The following CHRM3 variants were observed in gnomAD, a reference collection of about 807,000 sequenced individuals.
CHRM3 encodes muscarinic acetylcholine receptor M3.
In CHRM3, 11 loss-of-function variants were observed where a neutral mutation model predicts 41.8. The ratio of observed to expected loss-of-function variants is 0.26; its 90% CI spans 0.17 to 0.44. CHRM3 has a LOEUF of 0.44. CHRM3 is among the 20% of genes least tolerant of loss of function. The pLI is 1.00. For synonymous variants in CHRM3, 297 were observed against 301.4 expected (o/e 0.99, Z 0.15); for missense variants, 571 against 745.4 (o/e 0.77, Z 2.72).
chr1:239,422,640 A>T, intron 1 of CHRM3, among the ~76,000 whole-genome samples: 1 of 151,856 alleles, frequency 6.6e-6, no homozygotes, highest in East Asian at 1.9e-4. Flanking sequence ...CTAAAAATAC[A>T]AAAAATTAGC....
chr1:239,769,874 C>CT (rs1356406147), intron 5 of CHRM3, among the ~76,000 whole-genome samples: 1 of 150,508 alleles, frequency 6.6e-6, no homozygotes, highest in Non-Finnish European at 1.5e-5. Flanking sequence ...GAGCTAGACT[C>CT]TGTCTCAAAA....
intron 3 of CHRM3, among the ~76,000 whole-genome samples, chr1:239,627,354 G>T (rs1287760587): frequency 6.4e-5 from 8 of 124,552 alleles, no homozygotes; most frequent in African/African-American, 2.5e-4. Flanking sequence ...CCATTTGCTT[G>T]GTAGATCTTC....
intron 4 of CHRM3, among the ~76,000 whole-genome samples, chr1:239,641,350 A>C (rs952150398): frequency 6.0e-5 from 9 of 150,860 alleles, no homozygotes; most frequent in African/African-American, 2.2e-4. Flanking sequence ...GATCTGTCTA[A>C]TGTTGACAGT....
chr1:239,555,596 A>G (rs191709382), intron 3 of CHRM3, among the ~76,000 whole-genome samples: 1 of 152,296 alleles, frequency 6.6e-6, no homozygotes. Context: ...TTTCCATGGC[A>G]ATGACTGGCA....
rs1432478729 is a variant in CHRM3 at position 239,463,314 on chromosome 1, T to TCTGAAAGGGTATGCC, written c.-520-29389_-520-29375dup. ...AATTTTCATGCATTTTCTTGGTGAG[T>TCTGAAAGGGTATGCC]CTGAAAGGGTATGCCCTGAATGACT... On this transcript the variant is annotated intron_variant, in intron 1 of 6. Coordinates refer to ENST00000676153, the MANE Select transcript of CHRM3 (RefSeq NM_001375978.1). Among the ~76,000 whole-genome samples, 13 of 152,118 alleles carry TCTGAAAGGGTATGCC rather than the reference T, an allele frequency of 8.5e-5. 1 individual carries two copies. The highest frequency in any genetic ancestry group is 5.9e-4 in the Admixed American group (9 of 15,272).
chr1:239,842,610 A>T (rs1673909526), intron 6 of CHRM3, among the ~76,000 whole-genome samples: 1 of 152,134 alleles, frequency 6.6e-6, no homozygotes, highest in African/African-American at 2.4e-5. Flanking sequence ...AACACATTAG[A>T]AGAGAACCAT....
chr1:239,455,709 G>C (rs1044668395), intron 1 of CHRM3, among the ~76,000 whole-genome samples: 3 of 152,268 alleles, frequency 2.0e-5, no homozygotes, highest in African/African-American at 7.2e-5. Flanking sequence ...TATTACGTTT[G>C]AGTCAAAAAG....
rs541770705 is a variant in CHRM3 at position 239,770,780 on chromosome 1, A to G, written c.-146-56472A>G. 7.0e-4 allele frequency among the ~76,000 whole-genome samples: 107 copies of G among 152,272 alleles called. 2 individuals carry two copies. In the South Asian group the frequency reaches 0.021, roughly 30 times the overall value. On this transcript the variant is annotated intron_variant, in intron 5 of 6. Coordinates refer to ENST00000676153, the MANE Select transcript of CHRM3 (RefSeq NM_001375978.1). The stretch of plus-strand genomic sequence containing the variant: ...TGCCTGCTTATCTCAAAATGAAAGT[A>G]CCCAAGTGAGTTTTATATCAATTTG...
chr1:239,753,958 G>A (rs1279087346), intron 5 of CHRM3, among the ~76,000 whole-genome samples: 1 of 152,160 alleles, frequency 6.6e-6, no homozygotes, highest in Non-Finnish European at 1.5e-5. Flanking sequence ...CCGTTTGATT[G>A]TAGAAGTCTC....
At chr1:239,851,264 T>A (rs629358) in intron 6 of CHRM3, among the ~76,000 whole-genome samples, 147,155 of 152,318 alleles carry the variant, frequency 0.97, 71,303 homozygotes, top group East Asian at 1. Flanking sequence ...TAAATTCTTC[T>A]TTAAAAAACA....
At chr1:239,881,448 T>C (rs1202081744) in intron 6 of CHRM3, among the ~76,000 whole-genome samples, 2 of 151,720 alleles carry the variant, frequency 1.3e-5, no homozygotes, top group African/African-American at 2.4e-5. Context: ...GAAAACAAAA[T>C]GGCGAGTTGA....
chr1:239,476,147 A>T (rs895043621), intron 1 of CHRM3, among the ~76,000 whole-genome samples: 3 of 152,134 alleles, frequency 2.0e-5, no homozygotes, highest in Admixed American at 1.3e-4. Flanking sequence ...ATACTGCCAC[A>T]TGGGCCTGCA....
intron 2 of CHRM3, among the ~76,000 whole-genome samples, chr1:239,537,426 A>C (rs1330508426): frequency 1.3e-5 from 2 of 151,996 alleles, no homozygotes; most frequent in Non-Finnish European, 2.9e-5. Context: ...GGTGTCACTT[A>C]CTTTAAACAG....
intron 6 of CHRM3, among the ~76,000 whole-genome samples, chr1:239,903,619 A>T (rs1679746218): frequency 6.6e-6 from 1 of 152,182 alleles, no homozygotes; most frequent in African/African-American, 2.4e-5. Context: ...AGGAGTGGCT[A>T]AATTCAGGTT....
rs549649317 is a variant in CHRM3, at chr1:239,861,623, G to A, written c.-20+34245G>A. On this transcript the variant is annotated intron_variant, in intron 6 of 6. Transcript: ENST00000676153. ...TGGGACCAAGTTGGGCAAGGTTGGG[G>A]CAAGAGAAGTTGTGTGATGTGTTTA... 7.9e-5 allele frequency among the ~76,000 whole-genome samples: 12 copies of A among 152,242 alleles called. No homozygotes were observed. In the South Asian group the frequency reaches 2.5e-3, roughly 32 times the overall value.
intron 5 of CHRM3, among the ~76,000 whole-genome samples, chr1:239,772,991 C>A (rs1197329868): frequency 6.6e-6 from 1 of 152,170 alleles, no homozygotes; most frequent in African/African-American, 2.4e-5. Flanking sequence ...GAGCCTAGCA[C>A]CTGGTAAACA....
chr1:239,682,597 G>C (rs952270495), intron 5 of CHRM3, among the ~76,000 whole-genome samples: 1 of 151,486 alleles, frequency 6.6e-6, no homozygotes, highest in African/African-American at 2.4e-5. Context: ...TTTAATCAGA[G>C]AGTTTCCGTA....
At chr1:239,768,656 TG>T (rs1667414228) in intron 5 of CHRM3, among the ~76,000 whole-genome samples, 1 of 152,226 alleles carries the variant, frequency 6.6e-6, no homozygotes, top group Admixed American at 6.5e-5. Flanking sequence ...CTGTGGTGAT[TG>T]CTCATGGAGA....
At chr1:239,703,978 G>A (rs2148127805) in intron 5 of CHRM3, 1 of 152,322 alleles carries the variant, frequency 6.6e-6, no homozygotes, top group East Asian at 1.9e-4. Context: ...ACTGGAAAGA[G>A]CTGGAATAAC....
Sources: allele counts gnomAD v4.1 joint callset (sites outside exome capture counted in the v4.1 genomes callset), GRCh38; gene constraint gnomAD v4.1.1; transcripts MANE v1.5; gene names NCBI Gene and HGNC (gene_info 2026-07-23, HGNC 2026-07-21).